The following AGMO variants were observed in gnomAD, a reference collection of about 807,000 sequenced individuals.
The protein encoded by AGMO is glyceryl-ether monooxygenase.
AGMO carries 75 observed loss-of-function variants against 60.2 expected under a neutral mutation model. The ratio of observed to expected loss-of-function variants is 1.25; its 90% CI spans 1.03 to 1.51. The LOEUF (loss-of-function observed/expected upper bound fraction) is 1.51. AGMO is among the 40% of genes most tolerant of loss of function. The pLI is 0.00. For missense variants in AGMO, 763 were observed against 525.5 expected, an observed-to-expected ratio of 1.45 and a Z score of -4.42; for synonymous variants, 261 against 177.1, an observed-to-expected ratio of 1.47 and a Z score of -3.76.
intron 12 of AGMO, among the ~76,000 whole-genome samples, chr7:15,354,140 G>A (rs963701887): frequency 3.8e-4 from 58 of 151,406 alleles, no homozygotes; most frequent in Non-Finnish European, 7.7e-4. Flanking sequence ...AGAGGACAAT[G>A]TTTTTTTAAA....
At chr7:15,363,890 C>CCT (rs1465861929) in intron 12 of AGMO, among the ~76,000 whole-genome samples, 1 of 151,802 alleles carries the variant, frequency 6.6e-6, no homozygotes, top group Non-Finnish European at 1.5e-5. Context: ...AGAATGTGCC[C>CCT]CTCATCTAAG....
chr7:15,294,771 T>C (rs1023109195), intron 12 of AGMO, among the ~76,000 whole-genome samples: 19 of 151,926 alleles, frequency 1.3e-4, no homozygotes, highest in Non-Finnish European at 2.2e-4. Context: ...TAGAGATTTA[T>C]CCTGATGAAT....
chr7:15,387,161 C>G (rs935984219), intron 9 of AGMO, among the ~76,000 whole-genome samples: 1 of 152,216 alleles, frequency 6.6e-6, no homozygotes, highest in African/African-American at 2.4e-5. Flanking sequence ...AAACCAGCCT[C>G]TGCAGCACTG....
At chr7:15,169,125 C>T in the AGMO span, among the ~76,000 whole-genome samples, 1 of 152,172 alleles carries the variant, frequency 6.6e-6, no homozygotes, top group African/African-American at 2.4e-5. Context: ...GGACTGCTGA[C>T]CTTCTTCACT....
chr7:15,354,423 C>CACGCGCGTGTAT (rs1782409665), intron 12 of AGMO, among the ~76,000 whole-genome samples: 1 of 27,464 alleles, frequency 3.6e-5, no homozygotes, highest in Admixed American at 3.5e-4. Flanking sequence ...TGTGTGTATA[C>CACGCGCGTGTAT]ACACACGTGT....
intron 12 of AGMO, among the ~76,000 whole-genome samples, chr7:15,275,486 G>A (rs909532494): frequency 1.3e-5 from 2 of 151,996 alleles, no homozygotes; most frequent in African/African-American, 4.8e-5. Flanking sequence ...TCTGGAGAAT[G>A]TCCCATGCAC....
At chr7:15,544,259 G>C (rs1261213621) in intron 3 of AGMO, among the ~76,000 whole-genome samples, 2 of 151,956 alleles carry the variant, frequency 1.3e-5, no homozygotes, top group African/African-American at 4.8e-5. Context: ...ATTACACAAT[G>C]GGTACAGGGT....
At chr7:15,475,734 CTT>C (rs1583591547) in intron 3 of AGMO, among the ~76,000 whole-genome samples, 1 of 151,870 alleles carries the variant, frequency 6.6e-6, no homozygotes, top group East Asian at 1.9e-4. Flanking sequence ...AAATGTAAAT[CTT>C]GTCATGCTTT....
intron 5 of AGMO, among the ~76,000 whole-genome samples, chr7:15,404,692 T>C (rs752982717): frequency 6.6e-6 from 1 of 151,836 alleles, no homozygotes; most frequent in African/African-American, 2.4e-5. Flanking sequence ...CACAGTCTTA[T>C]GGTACAAGCT....
intron 3 of AGMO, among the ~76,000 whole-genome samples, chr7:15,519,339 C>G (rs1396717830): frequency 1.3e-5 from 2 of 150,448 alleles, no homozygotes; most frequent in Non-Finnish European, 2.9e-5. Flanking sequence ...AAGAGCAACC[C>G]CAAGACACAT....
At chr7:15,279,399 T>A (rs1200300611) in intron 12 of AGMO, among the ~76,000 whole-genome samples, 3 of 152,200 alleles carry the variant, frequency 2.0e-5, no homozygotes, top group African/African-American at 7.2e-5. Flanking sequence ...CTATTTTGAT[T>A]CCTCTCCATG....
chr7:15,558,962 G>A (rs1785228312), intron 2 of AGMO, among the ~76,000 whole-genome samples: 1 of 152,074 alleles, frequency 6.6e-6, no homozygotes. Flanking sequence ...GCTGGAATGA[G>A]AACATTCATC....
chr7:15,288,779 A>G (rs1259293730), intron 12 of AGMO, among the ~76,000 whole-genome samples: 1 of 151,502 alleles, frequency 6.6e-6, no homozygotes, highest in African/African-American at 2.4e-5. Context: ...AAAAAAAAGA[A>G]AGAAAAACTA....
rs755177581 is a variant in AGMO, at chr7:15,544,936, A to T, written c.258-13T>A. The T allele has an allele frequency of 7.4e-6, 11 of 1,492,608 alleles. No homozygotes were observed. Among genetic ancestry groups the T allele is most frequent in the Non-Finnish European group, 9.9e-6 (11 of 1,113,308 alleles). 92.5% of individuals were successfully genotyped at this position (1,492,608 alleles called of 1,614,324 possible). On this transcript the variant is annotated splice_polypyrimidine_tract_variant and intron_variant, in intron 2 of 12. Coordinates refer to ENST00000342526, the MANE Select transcript of AGMO (RefSeq NM_001004320.2). ...CCTGAAAAATAGACTGGAAGATAAA[A>T]TTCACAATCAGTGATTATATAACAT... is the stretch of plus-strand genomic sequence containing the variant.
chr7:15,537,495 C>T (rs1583662474), intron 3 of AGMO, among the ~76,000 whole-genome samples: 1 of 152,086 alleles, frequency 6.6e-6, no homozygotes. Context: ...TTTATGCCTT[C>T]TGATTTAATT....
chr7:15,367,167 T>C (rs1229705910), intron 10 of AGMO, among the ~76,000 whole-genome samples: 1 of 152,010 alleles, frequency 6.6e-6, no homozygotes, highest in African/African-American at 2.4e-5. Flanking sequence ...TGGTCTTTTG[T>C]ACTTTTCTTT....
chr7:15,198,253 G>C (rs1455927860), downstream of AGMO, among the ~76,000 whole-genome samples: 226 of 63,450 alleles, frequency 3.6e-3, 10 homozygotes, highest in African/African-American at 0.02. Flanking sequence ...GAGAGAGAGA[G>C]AGACAGAGAC....
At position 15,443,444 on chromosome 7, in the gene AGMO, T is replaced by G. The variant is rs1248486342; in HGVS notation, c.410-12336A>C. On this transcript the variant is annotated intron_variant, in intron 3 of 12. Transcript: ENST00000342526. ...GGGAACTTTTCTTGTTTCAATACTT[T>G]GACTATTATACCTTTAATCATTCCC... 4.6e-5 allele frequency among the ~76,000 whole-genome samples: 7 copies of G among 152,186 alleles called. No individual in the cohort carries two copies. The East Asian group carries it at 1.4e-3, about 29-fold the overall frequency.
intron 12 of AGMO, among the ~76,000 whole-genome samples, chr7:15,270,210 C>CATT (rs1261023799): frequency 4.6e-5 from 7 of 151,944 alleles, no homozygotes; most frequent in African/African-American, 1.5e-4. Context: ...AGAGGTTGTA[C>CATT]TAATTTACAT....
Sources: allele counts gnomAD v4.1 joint callset (sites outside exome capture counted in the v4.1 genomes callset), GRCh38; gene constraint gnomAD v4.1.1; transcripts MANE v1.5; gene names NCBI Gene and HGNC (gene_info 2026-07-23, HGNC 2026-07-21).